The following EZH2 variants were observed in gnomAD, a reference collection of about 807,000 sequenced individuals.
EZH2 encodes the protein enhancer of zeste 2 polycomb repressive complex 2 subunit.
A neutral mutation model predicts 98.4 loss-of-function variants in EZH2; 18 were observed. That is an observed-to-expected ratio of 0.18 (90% CI 0.13 to 0.27). The LOEUF (loss-of-function observed/expected upper bound fraction) is 0.27, where lower values mean the gene tolerates loss of function less well. Ranked by LOEUF, EZH2 falls within the 10% of genes least tolerant of loss-of-function variation. The probability of loss-of-function intolerance (pLI) is 1.00; values close to 1 mark genes in which losing one functional copy is unlikely to be tolerated. For missense variants in EZH2, 470 were observed against 935.1 expected (o/e 0.50, Z 6.49); for synonymous variants, 338 against 312.3 (o/e 1.08, Z -0.87).
intron 12 of EZH2, among the ~76,000 whole-genome samples, chr7:148,816,348 C>T (rs1804545943): frequency 6.6e-6 from 1 of 152,228 alleles, no homozygotes; most frequent in South Asian, 2.1e-4. Flanking sequence ...CCAGAGCTCA[C>T]ATCAGAAACA....
In EZH2 at chr7:148,861,349, C is replaced by T. The variant is rs1817639086; in HGVS notation, c.-7-14044G>A. Among the ~76,000 whole-genome samples, 3 of 151,870 alleles carry T rather than the reference C, an allele frequency of 2.0e-5. No individual in the cohort carries two copies. The South Asian group carries it at 6.3e-4, about 32-fold the overall frequency. ...TCAAGCGATTCTCCTGTCTCAGCCT[C>T]CTGAGTAGCTGGGATTACAGGCACA... On this transcript the variant is annotated intron_variant, in intron 1 of 19. Transcript: ENST00000320356.
chr7:148,822,318 T>C (rs1231292407), intron 8 of EZH2, among the ~76,000 whole-genome samples: 1 of 151,994 alleles, frequency 6.6e-6, no homozygotes, highest in African/African-American at 2.4e-5. Flanking sequence ...GAGACCGGCC[T>C]GGCCAACATG....
intron 1 of EZH2, among the ~76,000 whole-genome samples, chr7:148,864,673 G>A (rs1389443101): frequency 1.5e-5 from 2 of 130,402 alleles, no homozygotes; most frequent in African/African-American, 6.1e-5. Context: ...CAATCACAGT[G>A]AGACTGTCTC....
chr7:148,818,208 C>CA (rs963102190), intron 9 of EZH2, 91 bp from the exon 10 acceptor site: 3 of 1,296,790 alleles, frequency 2.3e-6, no homozygotes, highest in Non-Finnish European at 3.2e-6. Context: ...CCAGGTTAGT[C>CA]AAAAAATGTA....
rs778304074 is a variant in EZH2 at position 148,829,695 on chromosome 7, C to T, written c.484+33G>A. The T allele has an allele frequency of 6.9e-6, 11 of 1,597,184 alleles. No homozygotes were observed. In the South Asian group the frequency reaches 1.0e-4, roughly 15 times the overall value. On this transcript the variant is annotated intron_variant, in intron 5 of 19. Coordinates refer to ENST00000320356, the MANE Select transcript of EZH2 (RefSeq NM_004456.5). ...CAAAAGTGTCTCTCAATTCTTTAGC[C>T]CCTTTTTCCAAGAGAAGAAGCATAT...
chr7:148,862,747 G>A (rs1037550048), intron 1 of EZH2, among the ~76,000 whole-genome samples: 9 of 152,166 alleles, frequency 5.9e-5, no homozygotes, highest in South Asian at 4.2e-4. Flanking sequence ...CTGCATGCAC[G>A]CAAGGATCAA....
intron 1 of EZH2, among the ~76,000 whole-genome samples, chr7:148,871,577 C>CTTTTTTTTTTTTTTTTTTTTTTTT (rs376098406): frequency 1.5e-5 from 2 of 135,252 alleles, no homozygotes; most frequent in African/African-American, 5.6e-5. Context: ...AGTGTATTTT[C>CTTTTTTTTTTTTTTTTTTTTTTTT]TTTTTTTTTT....
chr7:148,843,521 G>A (rs1048858362), intron 3 of EZH2, among the ~76,000 whole-genome samples: 1 of 150,578 alleles, frequency 6.6e-6, no homozygotes, highest in Admixed American at 6.6e-5. Context: ...AAATAACTTG[G>A]AGAAAATCAG....
intron 3 of EZH2, among the ~76,000 whole-genome samples, chr7:148,844,408 TA>T (rs1813420554): frequency 6.6e-6 from 1 of 152,096 alleles, no homozygotes; most frequent in South Asian, 2.1e-4. Context: ...GGTGATGGTT[TA>T]AAAAGGCGGA....
At chr7:148,833,717 A>G (rs1326382941) in intron 3 of EZH2, among the ~76,000 whole-genome samples, 1 of 152,212 alleles carries the variant, frequency 6.6e-6, no homozygotes, top group Admixed American at 6.5e-5. Flanking sequence ...TAAACACATT[A>G]CATGTCTTCT....
At chr7:148,859,156 TAAC>T (rs1817291192) in intron 1 of EZH2, among the ~76,000 whole-genome samples, 1 of 152,212 alleles carries the variant, frequency 6.6e-6, no homozygotes, top group Non-Finnish European at 1.5e-5. Flanking sequence ...ACTTAGCAAT[TAAC>T]AATTAAAAAT....
At chr7:148,865,942 T>C (rs1174639159) in intron 1 of EZH2, among the ~76,000 whole-genome samples, 2 of 152,174 alleles carry the variant, frequency 1.3e-5, no homozygotes, top group African/African-American at 4.8e-5. Context: ...AGTACCAATG[T>C]CTGCAAAGTG....
At chr7:148,871,403 T>TAAAAAAAA (rs71529646) in intron 1 of EZH2, among the ~76,000 whole-genome samples, 26 of 88,718 alleles carry the variant, frequency 2.9e-4, no homozygotes, top group Middle Eastern at 0.019. Context: ...GACGAATAAT[T>TAAAAAAAA]AAAAAAAAAA....
At chr7:148,829,901 G>A (rs898719275) in intron 4 of EZH2, 53 bp from the exon 5 acceptor site, 68 of 1,356,748 alleles carry the variant, frequency 5.0e-5, no homozygotes, top group Non-Finnish European at 6.6e-5. Flanking sequence ...TATCAAATGT[G>A]AAATAACTAA....
At chr7:148,838,680 C>T (rs971378955) in intron 3 of EZH2, among the ~76,000 whole-genome samples, 2 of 152,232 alleles carry the variant, frequency 1.3e-5, no homozygotes, top group East Asian at 1.9e-4. Context: ...TTTATATAGG[C>T]TGTGGCAGTA....
At chr7:148,814,567 G>C (rs931501774) in intron 14 of EZH2, among the ~76,000 whole-genome samples, 1 of 152,122 alleles carries the variant, frequency 6.6e-6, no homozygotes, top group African/African-American at 2.4e-5. Context: ...TAACTCTGAC[G>C]ATTTCTGGTG....
chr7:148,872,987 G>A (rs1819634143), intron 1 of EZH2, among the ~76,000 whole-genome samples: 1 of 151,942 alleles, frequency 6.6e-6, no homozygotes, highest in African/African-American at 2.4e-5. Flanking sequence ...GCCACCCTGG[G>A]CAACATATAA....
intron 4 of EZH2, among the ~76,000 whole-genome samples, chr7:148,830,550 A>G (rs148246024): frequency 6.6e-6 from 1 of 152,360 alleles, no homozygotes; most frequent in East Asian, 1.9e-4. Flanking sequence ...GATACAGAGT[A>G]TTGATAGTCC....
At chr7:148,819,490 C>T (rs1805428052) in intron 9 of EZH2, 106 bp downstream of exon 9, 1 of 827,644 alleles carries the variant, frequency 1.2e-6, no homozygotes, top group African/African-American at 1.7e-5. Flanking sequence ...ATCATATGGC[C>T]CATAACAGCA....
Sources: gnomAD v4.1 joint callset for allele counts (sites outside exome capture counted in the v4.1 genomes callset) on GRCh38, gnomAD v4.1.1 for gene constraint, MANE v1.5 for transcripts, NCBI Gene and HGNC (gene_info 2026-07-23, HGNC 2026-07-21) for gene names.